Variants in PTPN11 observed in about 807,000 individuals in gnomAD.
PTPN11 encodes tyrosine-protein phosphatase non-receptor type 11.
Under a neutral mutation model 78.8 loss-of-function variants are expected in PTPN11, and 6 were observed. The ratio of observed to expected loss-of-function variants is 0.08; its 90% CI spans 0.04 to 0.15. The LOEUF is 0.15. Among genes scored for constraint, PTPN11 ranks in the 10% least tolerant of loss-of-function variants. The pLI is 1.00. For synonymous variants in PTPN11, 221 were observed against 263.5 expected, an observed-to-expected ratio of 0.84 and a Z score of 1.56; for missense variants, 386 against 744.8, an observed-to-expected ratio of 0.52 and a Z score of 5.61.
chr12:112,456,931 A>T (rs796813931), intron 6 of PTPN11, among the ~76,000 whole-genome samples: 5 of 151,204 alleles, frequency 3.3e-5, no homozygotes, highest in Admixed American at 6.6e-5. Flanking sequence ...TTTTTTTTTT[A>T]AATTATTTTT....
chr12:112,499,961 A>T (rs1277103417), intron 13 of PTPN11, among the ~76,000 whole-genome samples: 1 of 126,862 alleles, frequency 7.9e-6, no homozygotes, highest in Non-Finnish European at 1.7e-5. Flanking sequence ...AAAAAAAAAA[A>T]GGCCAGGCAC....
rs187182327 is a variant in PTPN11, at chr12:112,444,119, G to A, written c.15-2157G>A. On this transcript the variant is annotated intron_variant, in intron 1 of 15. Transcript: ENST00000351677. Reference sequence around the variant, plus strand: ...GATTAAGTTTCAACCTCAGGGGAGCGGCATTCAAACTATAGCATTGTCCTT... The same window carrying A: ...GATTAAGTTTCAACCTCAGGGGAGCAGCATTCAAACTATAGCATTGTCCTT... Among the ~76,000 whole-genome samples, 435 of 152,132 alleles carry A rather than the reference G, an allele frequency of 2.9e-3. 6 individuals carry two copies. The highest frequency in any genetic ancestry group is 9.7e-3 in the African/African-American group (404 of 41,522).
At chr12:112,453,516 A>G (rs1445556831) in intron 4 of PTPN11, 129 bp downstream of exon 4, 3 of 793,452 alleles carry the variant, frequency 3.8e-6, no homozygotes, top group Non-Finnish European at 5.9e-6. Context: ...TTATTTATTT[A>G]TTTGAGACAG....
chr12:112,420,585 G>A (rs548410548), intron 1 of PTPN11, among the ~76,000 whole-genome samples: 18 of 152,140 alleles, frequency 1.2e-4, no homozygotes, highest in Admixed American at 2.6e-4. Context: ...CTCGTGATCC[G>A]CCCGCCTTGG....
chr12:112,430,808 A>AT (rs2037701762), intron 1 of PTPN11, among the ~76,000 whole-genome samples: 1 of 151,788 alleles, frequency 6.6e-6, no homozygotes, highest in African/African-American at 2.4e-5. Flanking sequence ...AGATATCAAC[A>AT]TTTGGTGTTT....
intron 6 of PTPN11, among the ~76,000 whole-genome samples, chr12:112,466,927 T>G (rs1321716236): frequency 6.6e-6 from 1 of 151,690 alleles, no homozygotes; most frequent in Admixed American, 6.6e-5. Context: ...TTCCTCCACT[T>G]TCATTCATGA....
Position 112,482,224 on chromosome 12 carries a change from T to C in PTPN11, c.1224+19T>C, listed in dbSNP as rs766757585. Reference sequence around the variant, plus strand: ...TGGACAAGTAAGTATATTGTCGTATTCTAGAGACTTTGGGAACTGTTGATG... The same window carrying C: ...TGGACAAGTAAGTATATTGTCGTATCCTAGAGACTTTGGGAACTGTTGATG... On this transcript the variant is annotated intron_variant, in intron 10 of 15. Coordinates refer to ENST00000351677, the MANE Select transcript of PTPN11 (RefSeq NM_002834.5). The surrounding 1 kb of genome is among the most constrained non-coding windows in gnomAD (Gnocchi z 4.4). The C allele has an allele frequency of 6.2e-7, 1 of 1,610,350 alleles. No individual in the cohort carries two copies. The highest frequency in any genetic ancestry group is 1.7e-5 in the Admixed American group (1 of 59,938).
intron 6 of PTPN11, among the ~76,000 whole-genome samples, chr12:112,462,966 A>G (rs1043182901): frequency 6.6e-6 from 1 of 152,194 alleles, no homozygotes; most frequent in Non-Finnish European, 1.5e-5. Context: ...GGTGGTTATT[A>G]TTCATCTATA....
At chr12:112,440,563 CTTTTTT>C (rs772805515) in intron 1 of PTPN11, among the ~76,000 whole-genome samples, 9 of 90,712 alleles carry the variant, frequency 9.9e-5, no homozygotes, top group East Asian at 2.6e-4. Context: ...TGTGCCTGGC[CTTTTTT>C]TTTTTTTTTT....
At chr12:112,492,795 AT>A (rs2038766065) in intron 13 of PTPN11, among the ~76,000 whole-genome samples, 1 of 151,998 alleles carries the variant, frequency 6.6e-6, no homozygotes, top group Non-Finnish European at 1.5e-5. Flanking sequence ...GGGATTACAG[AT>A]GTGAGTCACT....
chr12:112,482,201 G>C lies in PTPN11; in HGVS notation c.1220G>C (p.Gly407Ala). The C allele has an allele frequency of 6.2e-7, 1 of 1,613,294 alleles. No homozygotes were observed. Among genetic ancestry groups the C allele is most frequent in the South Asian group, 1.1e-5 (1 of 91,038 alleles). Reference protein sequence around the residue: ...TLRELKLSKVGQGNTERTVWQ... With the variant: ...TLRELKLSKVAQGNTERTVWQ... ...AGAGAACTTAAACTTTCAAAGGTTG[G>C]ACAAGTAAGTATATTGTCGTATTCT... The change falls in exon 10 of 16, where the codon GGA becomes GCA. Residue 407 changes from glycine to alanine, a missense_variant. Around this residue, in one of 3 missense-constraint regions of PTPN11, gnomAD observed 279 missense variants for 503.3 expected, o/e 0.55. Coordinates refer to ENST00000351677, the MANE Select transcript of PTPN11 (RefSeq NM_002834.5). The surrounding 1 kb of genome is among the most constrained non-coding windows in gnomAD (Gnocchi z 4.4).
chr12:112,469,726 G>T (rs1283191558), intron 6 of PTPN11, among the ~76,000 whole-genome samples: 3 of 152,084 alleles, frequency 2.0e-5, no homozygotes, highest in Non-Finnish European at 4.4e-5. Flanking sequence ...TGTTGACTGG[G>T]CTGGTCTTGA....
intron 1 of PTPN11, among the ~76,000 whole-genome samples, chr12:112,423,230 A>T (rs530554029): frequency 2.0e-4 from 30 of 152,302 alleles, no homozygotes; most frequent in African/African-American, 7.2e-4. Context: ...AGAGAGGGAG[A>T]CAGACTTTTA....
Position 112,446,252 on chromosome 12 carries a change from A to G in PTPN11, c.15-24A>G, listed in dbSNP as rs1374518781. 2.5e-6 allele frequency: 4 copies of G among 1,613,346 alleles called. No homozygotes were observed. In the South Asian group the frequency reaches 3.3e-5, roughly 13 times the overall value. The stretch of plus-strand genomic sequence containing the variant: ...GCTGACAGTGTCTTGTTTTTTTATT[A>G]CTTACTTTGTCTTTCTTTTTAAGAT... On this transcript the variant is annotated intron_variant, in intron 1 of 15. Coordinates refer to ENST00000351677, the MANE Select transcript of PTPN11 (RefSeq NM_002834.5).
Position 112,453,213 on chromosome 12 carries a change from C to G in PTPN11, c.351C>G (p.Leu117=). 2 of 1,612,296 alleles carry G rather than the reference C, an allele frequency of 1.2e-6. No homozygotes were observed. Among genetic ancestry groups the G allele is most frequent in the Non-Finnish European group, 1.7e-6 (2 of 1,179,922 alleles). Residue 117 remains leucine, a synonymous_variant, in exon 4 of 16, where the codon CTC becomes CTG. Transcript: ENST00000351677. ...PTSERWFHGH[L]SGKEAEKLLT... ...ACTTTAGGTGGTTTCATGGACATCT[C>G]TCTGGGAAAGAAGCAGAGAAATTAT...
intron 1 of PTPN11, among the ~76,000 whole-genome samples, chr12:112,441,526 G>A (rs1352076434): frequency 6.6e-6 from 1 of 152,130 alleles, no homozygotes; most frequent in African/African-American, 2.4e-5. Flanking sequence ...GCCTCCCAAA[G>A]TGCTGGGATT....
rs1452965299 is a variant in PTPN11, at chr12:112,507,338, G to A, written c.*1546G>A. On this transcript the variant is annotated 3_prime_UTR_variant, in exon 16 of 16. Coordinates refer to ENST00000351677, the MANE Select transcript of PTPN11 (RefSeq NM_002834.5). ...TTGGGGAAACTGATCTTGTGAGGAT[G>A]GATGTGTTTAGGGACACAGGGCTTT... The A allele has an allele frequency of 6.6e-6, 1 of 152,560 alleles. No individual in the cohort carries two copies. The allele number at this position is 152,560 out of a possible 1,614,324, so 9.5% of individuals were successfully genotyped here.
intron 13 of PTPN11, among the ~76,000 whole-genome samples, chr12:112,501,773 C>T (rs1193560728): frequency 6.6e-6 from 1 of 152,174 alleles, no homozygotes; most frequent in Non-Finnish European, 1.5e-5. Context: ...GTTCCTTTCC[C>T]AGCTGTTTGC....
intron 11 of PTPN11, among the ~76,000 whole-genome samples, chr12:112,487,331 G>T (rs1234262275): frequency 6.6e-6 from 1 of 151,820 alleles, no homozygotes; most frequent in Non-Finnish European, 1.5e-5. Context: ...ACAAGGTTTT[G>T]TCATGTTGGC....
Sources: allele counts gnomAD v4.1 joint callset (sites outside exome capture counted in the v4.1 genomes callset), GRCh38; gene constraint gnomAD v4.1.1; regional missense constraint gnomAD v4.1.1; non-coding constraint Gnocchi (gnomAD v3.1); transcripts MANE v1.5; gene names NCBI Gene and HGNC (gene_info 2026-07-23, HGNC 2026-07-21).